Variants in PTPN2 observed in about 807,000 individuals in gnomAD.
PTPN2 encodes the protein protein tyrosine phosphatase non-receptor type 2, also known as tyrosine-protein phosphatase non-receptor type 2.
PTPN2 carries 19 observed loss-of-function variants against 57.3 expected under a neutral mutation model. That is an observed-to-expected ratio of 0.33 (90% CI 0.23 to 0.49). The LOEUF is 0.49. Among genes scored for constraint, PTPN2 ranks in the 20% least tolerant of loss-of-function variants. PTPN2 has a pLI of 0.99. For synonymous variants in PTPN2, 153 were observed against 164.9 expected (o/e 0.93, Z 0.55); for missense variants, 358 against 501.1 (o/e 0.71, Z 2.73).
At position 12,870,268 on chromosome 18, in the gene PTPN2, T is replaced by TAC. The variant is rs200065651; in HGVS notation, c.70-11015_70-11014insGT. On this transcript the variant is annotated intron_variant, in intron 1 of 8. Transcript: ENST00000309660. ...AGTACTTAACTTTAGCATATATATATATATGTATATATATACATATACATA... is the reference window on the plus strand; with the variant it reads ...AGTACTTAACTTTAGCATATATATATACATATGTATATATATACATATACATA... 4.8e-3 allele frequency among the ~76,000 whole-genome samples: 464 copies of TAC among 95,714 alleles called. 13 individuals are homozygous for TAC. The highest frequency in any genetic ancestry group is 0.012 in the South Asian group (30 of 2,532). The allele number at this position is 95,714 out of a possible 152,430, so 62.8% of individuals were successfully genotyped here. A position where few individuals can be genotyped will look rare whatever the true frequency, so the allele number is the denominator to read the frequency against.
chr18:12,814,013 T>C (rs759203545), intron 7 of PTPN2, among the ~76,000 whole-genome samples, 190 bp downstream of exon 7: 1 of 152,212 alleles, frequency 6.6e-6, no homozygotes, highest in African/African-American at 2.4e-5. Flanking sequence ...ACACACAGGA[T>C]TTAACCTGAG....
chr18:12,872,372 G>C (rs2044296964), intron 1 of PTPN2: 1 of 152,196 alleles, frequency 6.6e-6, no homozygotes, highest in Admixed American at 6.5e-5. Flanking sequence ...GGGAATGAAA[G>C]CAGTTTGAAA....
downstream of PTPN2, among the ~76,000 whole-genome samples, chr18:12,790,296 CCAGG>C (rs2040952367): frequency 6.6e-6 from 1 of 152,080 alleles, no homozygotes; most frequent in Non-Finnish European, 1.5e-5. Context: ...TGTACAACAA[CCAGG>C]CAGGCAATTT....
downstream of PTPN2, among the ~76,000 whole-genome samples, chr18:12,788,310 T>C (rs1312443350): frequency 6.6e-6 from 1 of 151,824 alleles, no homozygotes; most frequent in Non-Finnish European, 1.5e-5. Flanking sequence ...TTCTGTAACA[T>C]CTTCACCAAA....
At chr18:12,834,252 G>A (rs1382986537) in intron 3 of PTPN2, among the ~76,000 whole-genome samples, 6 of 151,744 alleles carry the variant, frequency 4.0e-5, no homozygotes, top group Admixed American at 6.6e-5. Flanking sequence ...ACTTGAACCC[G>A]GGAGGAGGAG....
At chr18:12,815,124 AT>A (rs1189660197) in intron 6 of PTPN2, among the ~76,000 whole-genome samples, 7 of 123,112 alleles carry the variant, frequency 5.7e-5, no homozygotes, top group South Asian at 2.5e-4. Flanking sequence ...AAATAAATAA[AT>A]AAATAAATAA....
chr18:12,857,396 T>G (rs1250094691), intron 2 of PTPN2, among the ~76,000 whole-genome samples: 1 of 152,172 alleles, frequency 6.6e-6, no homozygotes, highest in African/African-American at 2.4e-5. Flanking sequence ...TTGTTTCAGG[T>G]TCCCAGGTGT....
At position 12,833,536 on chromosome 18, in the gene PTPN2, G is replaced by A. The variant is rs60267243; in HGVS notation, c.262-2495C>T. On this transcript the variant is annotated intron_variant, in intron 3 of 8. Transcript: ENST00000309660. ...CTCGAAAAAGGTCCTAATACAGAGA[G>A]GGAATGCAGAAGAATGGGAGGGAGT... Among the ~76,000 whole-genome samples, 760 of 152,334 alleles carry A rather than the reference G, an allele frequency of 5.0e-3. 16 individuals are homozygous for A. In the East Asian group the frequency reaches 0.057, roughly 11 times the overall value.
At chr18:12,821,037 T>C (rs1285276872) in intron 5 of PTPN2, among the ~76,000 whole-genome samples, 1 of 152,188 alleles carries the variant, frequency 6.6e-6, no homozygotes, top group South Asian at 2.1e-4. Context: ...ATAATCATCA[T>C]AAATATATAA....
At chr18:12,819,401 A>G (rs1480090361) in intron 5 of PTPN2, 8 of 458,386 alleles carry the variant, frequency 1.7e-5, no homozygotes, top group Admixed American at 4.3e-5. Flanking sequence ...AAGGCTATAT[A>G]CTATACTATT....
rs111855219 is a variant in PTPN2, at chr18:12,799,982, A to G, written c.1040+1988T>C. On this transcript the variant is annotated intron_variant, in intron 8 of 8. Coordinates refer to ENST00000309660, the MANE Select transcript of PTPN2 (RefSeq NM_002828.4). The stretch of plus-strand genomic sequence containing the variant: ...TTTTTGTAATCAGACTTCTCCGCTT[A>G]GAATTCTGACTTTTCTGTTGGGACT... Among the ~76,000 whole-genome samples the G allele has an allele frequency of 5.5e-3, 834 of 152,282 alleles. 12 individuals carry two copies. The highest frequency in any genetic ancestry group is 0.019 in the African/African-American group (794 of 41,572).
At chr18:12,873,616 G>C (rs1191266313) in intron 1 of PTPN2, among the ~76,000 whole-genome samples, 2 of 152,234 alleles carry the variant, frequency 1.3e-5, no homozygotes, top group African/African-American at 2.4e-5. Flanking sequence ...CTGGAGTGCA[G>C]TGGCGTGATC....
At chr18:12,870,099 C>G (rs957609668) in intron 1 of PTPN2, among the ~76,000 whole-genome samples, 3 of 150,622 alleles carry the variant, frequency 2.0e-5, no homozygotes, top group Non-Finnish European at 4.4e-5. Context: ...ACTAAAACAG[C>G]TCACTGTCAC....
chr18:12,862,873 G>A (rs1398904437), intron 1 of PTPN2: 1 of 149,550 alleles, frequency 6.7e-6, no homozygotes, highest in African/African-American at 2.5e-5. Flanking sequence ...TGTTAAATCA[G>A]CTATTGATTA....
At chr18:12,845,833 A>AT (rs1235937369) in intron 2 of PTPN2, among the ~76,000 whole-genome samples, 3 of 152,152 alleles carry the variant, frequency 2.0e-5, no homozygotes, top group Non-Finnish European at 2.9e-5. Context: ...TGATTATTCC[A>AT]TTTTTTTATC....
At chr18:12,830,865 T>C in intron 4 of PTPN2, 78 bp downstream of exon 4, 2 of 1,122,432 alleles carry the variant, frequency 1.8e-6, no homozygotes, top group African/African-American at 1.5e-5. Flanking sequence ...GGAATGAATA[T>C]TGGCCCCAAA....
intron 2 of PTPN2, among the ~76,000 whole-genome samples, chr18:12,858,600 A>T (rs1161806043): frequency 1.3e-5 from 2 of 152,226 alleles, no homozygotes; most frequent in Non-Finnish European, 2.9e-5. Context: ...GAAAAGAGCT[A>T]CAAATGAGTA....
downstream of PTPN2, among the ~76,000 whole-genome samples, chr18:12,790,234 T>C (rs538237741): frequency 6.9e-4 from 105 of 152,332 alleles, no homozygotes; most frequent in Non-Finnish European, 7.5e-4. Flanking sequence ...AAGATCTCTT[T>C]AAACATGTGT....
chr18:12,807,586 A>AAAT, intron 7 of PTPN2, among the ~76,000 whole-genome samples: 63 of 35,194 alleles, frequency 1.8e-3, no homozygotes, highest in African/African-American at 4.0e-3. Context: ...AAAAAAAAAA[A>AAAT]ATATATATAT....
Sources: allele counts gnomAD v4.1 joint callset (sites outside exome capture counted in the v4.1 genomes callset), GRCh38; gene constraint gnomAD v4.1.1; transcripts MANE v1.5; gene names NCBI Gene and HGNC (gene_info 2026-07-23, HGNC 2026-07-21).